CDC42SE2: variants seen among roughly 807,000 people sequenced by gnomAD.
The protein encoded by CDC42SE2 is CDC42 small effector protein 2.
CDC42SE2 carries 3 observed loss-of-function variants against 11.5 expected under a neutral mutation model. That is an observed-to-expected ratio of 0.26 (90% confidence interval 0.12 to 0.67). CDC42SE2 has a LOEUF of 0.67. Among genes scored for constraint, CDC42SE2 ranks in the 30% least tolerant of loss-of-function variants. The pLI, the probability that CDC42SE2 is intolerant of heterozygous loss-of-function variation, is 0.80. For synonymous variants in CDC42SE2, 33 were observed against 34.8 expected, an observed-to-expected ratio of 0.95 and a Z score of 0.18; for missense variants, 82 against 106.8, an observed-to-expected ratio of 0.77 and a Z score of 1.02.
At chr5:131,324,152 C>T (rs1758250446) in intron 2 of CDC42SE2, among the ~76,000 whole-genome samples, 1 of 151,870 alleles carries the variant, frequency 6.6e-6, no homozygotes, top group Non-Finnish European at 1.5e-5. Context: ...AGTATTTATT[C>T]TTTAGAAGTA....
At chr5:131,265,318 A>G (rs1234211446) in intron 1 of CDC42SE2, among the ~76,000 whole-genome samples, 1 of 152,196 alleles carries the variant, frequency 6.6e-6, no homozygotes, top group African/African-American at 2.4e-5. Flanking sequence ...AATGGAGAAG[A>G]TAAAGAGGGA....
chr5:131,334,684 T>G (rs1758510392), intron 2 of CDC42SE2, among the ~76,000 whole-genome samples: 1 of 152,222 alleles, frequency 6.6e-6, no homozygotes, highest in African/African-American at 2.4e-5. Context: ...TCTTCCTGGT[T>G]TAGTCTTGGG....
Position 131,301,267 on chromosome 5 carries a change from C to T in CDC42SE2, c.-454-14709C>T, listed in dbSNP as rs192717783. On this transcript the variant is annotated intron_variant, in intron 1 of 4. Coordinates refer to ENST00000505065, the MANE Select transcript of CDC42SE2 (RefSeq NM_001375635.1). ...GATAGGAGGAATACGTTCTAGTGTT[C>T]TATGGCCCGGGAGGATGACTATAGT... Among the ~76,000 whole-genome samples, 26 of 152,100 alleles carry T rather than the reference C, an allele frequency of 1.7e-4. No individual in the cohort carries two copies. The East Asian group carries it at 4.4e-3, about 26-fold the overall frequency.
upstream of CDC42SE2, chr5:131,263,929 G>C (rs973898371): frequency 3.3e-5 from 5 of 151,910 alleles, no homozygotes; most frequent in Non-Finnish European, 7.4e-5. Flanking sequence ...CTGGCGGGGG[G>C]CGGGGCCAGC....
intron 4 of CDC42SE2, among the ~76,000 whole-genome samples, chr5:131,387,586 A>C (rs1417184693): frequency 6.6e-6 from 1 of 152,160 alleles, no homozygotes; most frequent in African/African-American, 2.4e-5. Context: ...GAGGAATTAA[A>C]TTTTAGTTCG....
chr5:131,285,648 A>T (rs949814414), intron 1 of CDC42SE2, among the ~76,000 whole-genome samples: 1 of 152,204 alleles, frequency 6.6e-6, no homozygotes, highest in Non-Finnish European at 1.5e-5. Context: ...TAGGATTTTT[A>T]GGCAGAAAGA....
rs151250515 is a variant in CDC42SE2, at chr5:131,287,290, C to T, written c.-455+23124C>T. Among the ~76,000 whole-genome samples the T allele has an allele frequency of 1.7e-4, 26 of 152,168 alleles. No homozygotes were observed. In the East Asian group the frequency reaches 3.9e-3, roughly 23 times the overall value. On this transcript the variant is annotated intron_variant, in intron 1 of 4. Transcript: ENST00000505065. The stretch of plus-strand genomic sequence containing the variant: ...GATTACAGGCGTGAGTCACCTCGCC[C>T]GGCCTTGGGTCAGCTGTATTTTAAA...
chr5:131,338,077 C>G (rs932673840), intron 2 of CDC42SE2, among the ~76,000 whole-genome samples: 6 of 152,216 alleles, frequency 3.9e-5, no homozygotes, highest in African/African-American at 7.2e-5. Context: ...GGAGCTGTTC[C>G]TATTTGGCCA....
intron 3 of CDC42SE2, among the ~76,000 whole-genome samples, chr5:131,383,197 G>T (rs1001961324): frequency 1.3e-5 from 2 of 152,210 alleles, no homozygotes; most frequent in African/African-American, 2.4e-5. Context: ...GCCATTAGGG[G>T]CAGGGAGTCT....
At chr5:131,356,639 G>T (rs944790635) in intron 2 of CDC42SE2, among the ~76,000 whole-genome samples, 1 of 152,168 alleles carries the variant, frequency 6.6e-6, no homozygotes, top group Admixed American at 6.5e-5. Context: ...TGTACTTTAG[G>T]CCAGGTGCGG....
chr5:131,282,560 G>T (rs1342895997), intron 1 of CDC42SE2, among the ~76,000 whole-genome samples: 2 of 151,880 alleles, frequency 1.3e-5, no homozygotes, highest in Non-Finnish European at 2.9e-5. Flanking sequence ...TCTTCTTTGG[G>T]GGGAGAGGAG....
chr5:131,291,114 G>T (rs1245605289), intron 1 of CDC42SE2, among the ~76,000 whole-genome samples: 2 of 151,932 alleles, frequency 1.3e-5, no homozygotes, highest in Non-Finnish European at 2.9e-5. Context: ...TGTAGTTGTT[G>T]TTTTTTAATT....
chr5:131,368,817 T>C (rs2149778136), intron 3 of CDC42SE2, among the ~76,000 whole-genome samples: 1 of 152,292 alleles, frequency 6.6e-6, no homozygotes, highest in East Asian at 1.9e-4. Flanking sequence ...ATTTTGTCCA[T>C]AAATATTTCA....
chr5:131,391,288 A>T lies in CDC42SE2; in HGVS notation c.*197A>T. 2 of 233,800 alleles carry T rather than the reference A, an allele frequency of 8.6e-6. No individual in the cohort carries two copies. The highest frequency in any genetic ancestry group is 1.6e-5 in the Non-Finnish European group (2 of 124,054). 14.5% of individuals were successfully genotyped at this position (233,800 alleles called of 1,614,324 possible). A position where few individuals can be genotyped will look rare whatever the true frequency, so the allele number is the denominator to read the frequency against. ...GTTTTAGGTTCTTTTCCTTATTAAG[A>T]ACTTTAAATACTTTAAAACATCTGG... On this transcript the variant is annotated 3_prime_UTR_variant, in exon 5 of 5. Coordinates refer to ENST00000505065, the MANE Select transcript of CDC42SE2 (RefSeq NM_001375635.1).
chr5:131,350,927 T>C (rs546178440), intron 2 of CDC42SE2, among the ~76,000 whole-genome samples: 2 of 152,122 alleles, frequency 1.3e-5, no homozygotes, highest in African/African-American at 2.4e-5. Flanking sequence ...GTAGACTGAA[T>C]GTTACTCAAT....
intron 2 of CDC42SE2, among the ~76,000 whole-genome samples, chr5:131,356,570 T>G (rs985173397): frequency 2.0e-5 from 3 of 152,200 alleles, no homozygotes; most frequent in Admixed American, 2.0e-4. Context: ...CTTCTTGGTT[T>G]GAAAATATAT....
In CDC42SE2 at chr5:131,310,374, G is replaced by A. The variant is rs1757877594; in HGVS notation, c.-454-5602G>A. Among the ~76,000 whole-genome samples the A allele has an allele frequency of 3.3e-5, 5 of 151,514 alleles. No homozygotes were observed. In the South Asian group the frequency reaches 1.0e-3, roughly 32 times the overall value. On this transcript the variant is annotated intron_variant, in intron 1 of 4. Transcript: ENST00000505065. ...GGAGAGCTTTACTTCCTAGTATGTGGTCCATTTTGGAATAGGTGTGGTGTG... is the reference window on the plus strand; with the variant it reads ...GGAGAGCTTTACTTCCTAGTATGTGATCCATTTTGGAATAGGTGTGGTGTG...
chr5:131,273,696 C>T (rs1757041665), intron 1 of CDC42SE2, among the ~76,000 whole-genome samples: 1 of 151,294 alleles, frequency 6.6e-6, no homozygotes, highest in Non-Finnish European at 1.5e-5. Flanking sequence ...TGGTGTGAAC[C>T]CAGGAGGCGG....
At chr5:131,269,308 C>T (rs1225613312) in intron 1 of CDC42SE2, among the ~76,000 whole-genome samples, 1 of 152,114 alleles carries the variant, frequency 6.6e-6, no homozygotes, top group African/African-American at 2.4e-5. Flanking sequence ...CATACTCCCT[C>T]TTTTTCCTAG....
Sources: allele counts gnomAD v4.1 joint callset (sites outside exome capture counted in the v4.1 genomes callset), GRCh38; gene constraint gnomAD v4.1.1; transcripts MANE v1.5; gene names NCBI Gene and HGNC (gene_info 2026-07-23, HGNC 2026-07-21).